SH3RF3: variants seen among roughly 807,000 people sequenced by gnomAD.
The protein encoded by SH3RF3 is SH3 domain containing ring finger 3.
SH3RF3 carries 29 observed loss-of-function variants against 66.3 expected under a neutral mutation model. The observed-to-expected ratio is 0.44, with a 90% CI of 0.33 to 0.60. The LOEUF (loss-of-function observed/expected upper bound fraction) is 0.60. Ranked by LOEUF, SH3RF3 falls within the 20% of genes least tolerant of loss-of-function variation. The probability of loss-of-function intolerance (pLI) is 0.04; values close to 1 mark genes in which losing one functional copy is unlikely to be tolerated. For missense variants in SH3RF3, 1,194 were observed against 1,190.9 expected, an observed-to-expected ratio of 1.00 and a Z score of -0.04; for synonymous variants, 583 against 532.0, an observed-to-expected ratio of 1.10 and a Z score of -1.32.
intron 5 of SH3RF3, among the ~76,000 whole-genome samples, chr2:109,422,169 T>G (rs1449190809): frequency 6.6e-6 from 1 of 152,188 alleles, no homozygotes; most frequent in Non-Finnish European, 1.5e-5. Context: ...GAACATGAGA[T>G]GTGCTGTCGT....
At chr2:109,264,988 C>T (rs995478796) in intron 1 of SH3RF3, among the ~76,000 whole-genome samples, 5 of 152,164 alleles carry the variant, frequency 3.3e-5, no homozygotes, top group African/African-American at 7.2e-5. Context: ...CAGAGATAGC[C>T]GCATGCTCTG....
intron 5 of SH3RF3, among the ~76,000 whole-genome samples, chr2:109,423,203 G>T (rs1483906653): frequency 1.3e-5 from 2 of 152,096 alleles, no homozygotes; most frequent in Admixed American, 1.3e-4. Context: ...ATGGGGGGTT[G>T]GCCTGCAACA....
At chr2:109,357,852 C>A (rs925272063) in intron 2 of SH3RF3, among the ~76,000 whole-genome samples, 1 of 152,200 alleles carries the variant, frequency 6.6e-6, no homozygotes, top group Admixed American at 6.5e-5. Flanking sequence ...CATGCAAAGC[C>A]TCCTGCATTG....
At chr2:109,266,098 ATGTG>A (rs1229351199) in intron 1 of SH3RF3, among the ~76,000 whole-genome samples, 1 of 139,894 alleles carries the variant, frequency 7.1e-6, no homozygotes, top group Admixed American at 7.0e-5. Context: ...TTGTGCGTGC[ATGTG>A]TGTGTTGTGT....
Position 109,504,467 on chromosome 2 carries a change from G to A in SH3RF3, c.*2796G>A, listed in dbSNP as rs1360533549. 2 of 152,148 alleles carry A rather than the reference G, an allele frequency of 1.3e-5. No individual in the cohort carries two copies. Among genetic ancestry groups the A allele is most frequent in the African/African-American group, 4.8e-5 (2 of 41,444 alleles). 9.4% of individuals were successfully genotyped at this position (152,148 alleles called of 1,614,324 possible). On this transcript the variant is annotated 3_prime_UTR_variant, in exon 10 of 10. Transcript: ENST00000309415. ...CACTTCAAAACAGGCTCAGCCGACT[G>A]GGAGATCCTTTGTACTTTGCACAGT...
chr2:109,413,393 C>T (rs28393093), intron 4 of SH3RF3, among the ~76,000 whole-genome samples: 7,713 of 152,260 alleles, frequency 0.051, 366 homozygotes, highest in African/African-American at 0.12. Context: ...GGATTACAGG[C>T]GTGAGCCACC....
At chr2:109,183,003 A>G (rs1678104938) in intron 1 of SH3RF3, among the ~76,000 whole-genome samples, 1 of 152,234 alleles carries the variant, frequency 6.6e-6, no homozygotes, top group Non-Finnish European at 1.5e-5. Context: ...TTCAGAGCTC[A>G]TCATCCTTCC....
At chr2:109,348,319 C>T (rs981634198) in intron 2 of SH3RF3, among the ~76,000 whole-genome samples, 2 of 152,330 alleles carry the variant, frequency 1.3e-5, no homozygotes, top group South Asian at 4.1e-4. Context: ...TCTTGGGGTC[C>T]TGTGAGAGGG....
At chr2:109,386,737 G>A (rs1168233394) in intron 3 of SH3RF3, among the ~76,000 whole-genome samples, 8 of 152,160 alleles carry the variant, frequency 5.3e-5, no homozygotes, top group African/African-American at 1.9e-4. Context: ...TGTCACCTAG[G>A]GCTGGAAACA....
At chr2:109,314,328 C>T (rs72822698) in intron 1 of SH3RF3, among the ~76,000 whole-genome samples, 2,879 of 152,168 alleles carry the variant, frequency 0.019, 49 homozygotes, top group Non-Finnish European at 0.032. Context: ...CTCAGTTATC[C>T]CAAAGGCTCA....
chr2:109,243,551 T>G (rs1679838185), intron 1 of SH3RF3, among the ~76,000 whole-genome samples: 1 of 152,152 alleles, frequency 6.6e-6, no homozygotes, highest in Non-Finnish European at 1.5e-5. Context: ...ATTAACACCA[T>G]GGGAACCTAT....
intron 1 of SH3RF3, among the ~76,000 whole-genome samples, chr2:109,236,135 A>G (rs1170662254): frequency 6.6e-6 from 1 of 152,180 alleles, no homozygotes; most frequent in East Asian, 1.9e-4. Flanking sequence ...TCAATAGTTT[A>G]TTTCTGGGGG....
chr2:109,173,640 T>C (rs1280306868), intron 1 of SH3RF3, among the ~76,000 whole-genome samples: 1 of 152,088 alleles, frequency 6.6e-6, no homozygotes, highest in Non-Finnish European at 1.5e-5. Flanking sequence ...GGACCCCTGC[T>C]GAGACTCATT....
chr2:109,218,500 TAGA>T (rs1420828576), intron 1 of SH3RF3, among the ~76,000 whole-genome samples: 1 of 152,136 alleles, frequency 6.6e-6, no homozygotes, highest in Non-Finnish European at 1.5e-5. Context: ...TAGGCAGAAA[TAGA>T]AGAGCAGATG....
chr2:109,131,927 A>G (rs1676706018), intron 1 of SH3RF3, among the ~76,000 whole-genome samples: 1 of 152,218 alleles, frequency 6.6e-6, no homozygotes, highest in Non-Finnish European at 1.5e-5. Flanking sequence ...CACTAGCACT[A>G]TACTACCATG....
intron 2 of SH3RF3, among the ~76,000 whole-genome samples, chr2:109,364,209 G>T (rs1251692100): frequency 6.6e-6 from 1 of 150,770 alleles, no homozygotes; most frequent in Non-Finnish European, 1.5e-5. Flanking sequence ...CATGGTGGAG[G>T]TTTCTATTGA....
chr2:109,436,665 G>A (rs938805624), intron 6 of SH3RF3, among the ~76,000 whole-genome samples: 11 of 152,328 alleles, frequency 7.2e-5, no homozygotes, highest in Middle Eastern at 3.4e-3. Context: ...TTCTCAGGGC[G>A]GCTTTGCTAT....
Position 109,342,215 on chromosome 2 carries a change from C to T in SH3RF3, c.574-5459C>T, listed in dbSNP as rs116512854. Among the ~76,000 whole-genome samples, 407 of 152,298 alleles carry T rather than the reference C, an allele frequency of 2.7e-3. 1 individual carries two copies. The highest frequency in any genetic ancestry group is 9.2e-3 in the African/African-American group (383 of 41,570). ...GCCATACCTGGGATTTTCCCCATTC[C>T]GCCAGGCCCAGCTGCTATTAGCAAT... On this transcript the variant is annotated intron_variant, in intron 1 of 9. Transcript: ENST00000309415.
intron 8 of SH3RF3, among the ~76,000 whole-genome samples, chr2:109,475,825 T>C (rs1678667455): frequency 1.3e-5 from 2 of 152,348 alleles, no homozygotes; most frequent in African/African-American, 4.8e-5. Flanking sequence ...GTCAGCACTC[T>C]GGGGCCTGGC....
Sources: gnomAD v4.1 joint callset for allele counts (sites outside exome capture counted in the v4.1 genomes callset) on GRCh38, gnomAD v4.1.1 for gene constraint, MANE v1.5 for transcripts, NCBI Gene and HGNC (gene_info 2026-07-23, HGNC 2026-07-21) for gene names.